CLOCK: variants seen among roughly 807,000 people sequenced by gnomAD.
CLOCK encodes clock circadian regulator.
CLOCK carries 43 observed loss-of-function variants against 118.4 expected under a neutral mutation model. The observed-to-expected ratio is 0.36, with a 90% CI of 0.28 to 0.47. The LOEUF is 0.47. Among genes scored for constraint, CLOCK ranks in the 20% least tolerant of loss-of-function variants. The pLI is 1.00. For missense variants in CLOCK, 846 were observed against 999.9 expected, an observed-to-expected ratio of 0.85 and a Z score of 2.08; for synonymous variants, 326 against 339.2, an observed-to-expected ratio of 0.96 and a Z score of 0.43.
At position 55,449,486 on chromosome 4, in the gene CLOCK, G is replaced by C; in HGVS notation, c.1359C>G (p.Thr453=). Reference sequence around the variant, plus strand: ...GAGTGCTCGTATCCGTCGGGATCTTGGTTGGTGTTGCTGAAGTCAACAAAA... The same window carrying C: ...GAGTGCTCGTATCCGTCGGGATCTTCGTTGGTGTTGCTGAAGTCAACAAAA... ...TAVSDPSSTP[T]KIPTDTSTPP... The change falls in exon 17 of 23, where the codon ACC becomes ACG. Residue 453 remains threonine (T), a synonymous_variant. Coordinates refer to ENST00000513440, the MANE Select transcript of CLOCK (RefSeq NM_004898.4). 2 of 1,613,960 alleles carry C rather than the reference G, an allele frequency of 1.2e-6. No individual in the cohort carries two copies. The highest frequency in any genetic ancestry group is 1.7e-4 in the Middle Eastern group (1 of 6,058).
intron 21 of CLOCK, chr4:55,442,175 AGT>A: frequency 2.2e-6 from 1 of 456,902 alleles, no homozygotes; most frequent in East Asian, 4.1e-5. Flanking sequence ...CTTTTCTAAC[AGT>A]GTGCTGCAGA....
chr4:55,523,138 T>TAA (rs11438793), intron 1 of CLOCK, among the ~76,000 whole-genome samples: 32 of 147,664 alleles, frequency 2.2e-4, no homozygotes, highest in East Asian at 2.0e-3. Flanking sequence ...TACTAAAAAT[T>TAA]AAAAAAAAAA....
At chr4:55,542,565 T>C (rs1731350059) in intron 1 of CLOCK, among the ~76,000 whole-genome samples, 1 of 151,858 alleles carries the variant, frequency 6.6e-6, no homozygotes, top group Non-Finnish European at 1.5e-5. Context: ...GGTAATTCTT[T>C]GTAACCTGGT....
chr4:55,498,416 T>A (rs1035019052), intron 2 of CLOCK, among the ~76,000 whole-genome samples: 1 of 152,136 alleles, frequency 6.6e-6, no homozygotes, highest in Admixed American at 6.6e-5. Context: ...AGAAAAAAAC[T>A]ACCATAAAGC....
intron 2 of CLOCK, among the ~76,000 whole-genome samples, chr4:55,494,282 T>C (rs138367167): frequency 0.012 from 1,775 of 152,230 alleles, 32 homozygotes; most frequent in African/African-American, 0.041. Context: ...AGCCCTGTGG[T>C]AGGCAGAATA....
intron 4 of CLOCK, among the ~76,000 whole-genome samples, chr4:55,480,244 G>A (rs17722979): frequency 0.25 from 37,483 of 152,062 alleles, 4,949 homozygotes; most frequent in South Asian, 0.37. Context: ...ACATTTAGCT[G>A]CTTTCCTACA....
intron 1 of CLOCK, among the ~76,000 whole-genome samples, chr4:55,533,540 T>C (rs1730689547): frequency 6.6e-6 from 1 of 152,234 alleles, no homozygotes; most frequent in Non-Finnish European, 1.5e-5. Flanking sequence ...TAGAATATTT[T>C]TCTGCCTAGA....
Position 55,450,119 on chromosome 4 carries a change from T to G in CLOCK, c.1320A>C (p.Ser440=). 1 of 1,614,150 alleles carries G rather than the reference T, an allele frequency of 6.2e-7. No homozygotes were observed. Among genetic ancestry groups the G allele is most frequent in the East Asian group, 2.2e-5 (1 of 44,862 alleles). The stretch of plus-strand genomic sequence containing the variant: ...AAGGGTCTGAGACGGCCGTGTGAGA[T>G]GATTTTCTTGAACTCCGAGAAGAGG... The part of the protein sequence containing the change: ...PSASSRSSRK[S]SHTAVSDPSS... The change falls in exon 16 of 23, where the codon TCA becomes TCC. Residue 440 remains serine, a synonymous_variant. Transcript: ENST00000513440.
intron 1 of CLOCK, chr4:55,540,406 GA>G (rs1207397782): frequency 7.0e-6 from 1 of 143,480 alleles, no homozygotes; most frequent in Non-Finnish European, 1.5e-5. Context: ...GAGGGGAGGG[GA>G]GGGGGGAATG....
intron 2 of CLOCK, among the ~76,000 whole-genome samples, chr4:55,509,456 C>T (rs1048491180): frequency 2.4e-4 from 36 of 152,068 alleles, no homozygotes; most frequent in African/African-American, 8.7e-4. Context: ...AAAGCAGGCA[C>T]CAGGCTGAAT....
At chr4:55,514,802 T>A (rs4865003) in intron 1 of CLOCK, among the ~76,000 whole-genome samples, 1 of 152,086 alleles carries the variant, frequency 6.6e-6, no homozygotes, top group South Asian at 2.1e-4. Flanking sequence ...TTGGGGATTT[T>A]TGCATTTATG....
Position 55,458,848 on chromosome 4 carries a change from A to G in CLOCK, c.792+44T>C, listed in dbSNP as rs370547523. ...CAGGAAGTTTCAGGCAGCTCTCAGC[A>G]TATGAACTGAAATCCCCTTTGGGAA... On this transcript the variant is annotated intron_variant, in intron 11 of 22. Coordinates refer to ENST00000513440, the MANE Select transcript of CLOCK (RefSeq NM_004898.4). 31 of 1,375,212 alleles carry G rather than the reference A, an allele frequency of 2.3e-5. No homozygotes were observed. The East Asian group carries it at 2.8e-4, about 12-fold the overall frequency. 85.2% of individuals were successfully genotyped at this position (1,375,212 alleles called of 1,614,324 possible). A position where few individuals can be genotyped will look rare whatever the true frequency, so the allele number is the denominator to read the frequency against.
intron 15 of CLOCK, among the ~76,000 whole-genome samples, chr4:55,451,010 A>G (rs1200739698): frequency 6.6e-6 from 1 of 151,686 alleles, no homozygotes; most frequent in Non-Finnish European, 1.5e-5. Context: ...TCTCATCAGT[A>G]TACAAACATG....
In CLOCK at chr4:55,435,249, T is replaced by C; in HGVS notation, c.*166A>G. ...CTGGCTGGTATTTAATGTACATCTG[T>C]AGCACTAGGCAGCATTTTCTCTGCC... On this transcript the variant is annotated 3_prime_UTR_variant, in exon 23 of 23. Transcript: ENST00000513440. 2.7e-6 allele frequency: 2 copies of C among 746,322 alleles called. No homozygotes were observed. The highest frequency in any genetic ancestry group is 3.4e-5 in the South Asian group (2 of 59,094). The allele number at this position is 746,322 out of a possible 1,614,324, so 46.2% of individuals were successfully genotyped here.
chr4:55,454,903 A>G (rs1011555000), intron 13 of CLOCK, among the ~76,000 whole-genome samples: 1 of 149,802 alleles, frequency 6.7e-6, no homozygotes, highest in African/African-American at 2.5e-5. Context: ...GAGGAAATCA[A>G]GGTCTACAAA....
intron 14 of CLOCK, chr4:55,453,469 A>G: frequency 2.0e-6 from 1 of 499,044 alleles, no homozygotes; most frequent in Non-Finnish European, 3.5e-6. Flanking sequence ...GTAAAGCACA[A>G]AATTTATATC....
At chr4:55,512,789 C>G (rs1729248923) in intron 1 of CLOCK, among the ~76,000 whole-genome samples, 1 of 152,068 alleles carries the variant, frequency 6.6e-6, no homozygotes, top group South Asian at 2.1e-4. Flanking sequence ...TAGACAGTTG[C>G]TCCGGTACCA....
chr4:55,516,365 T>G (rs971376601), intron 1 of CLOCK, among the ~76,000 whole-genome samples: 3 of 152,226 alleles, frequency 2.0e-5, no homozygotes, highest in African/African-American at 7.2e-5. Flanking sequence ...CCTCACATAC[T>G]TACATGCTCC....
intron 22 of CLOCK, 124 bp from the exon 23 acceptor site, chr4:55,435,718 T>G (rs1388400967): frequency 3.9e-5 from 37 of 951,686 alleles, no homozygotes; most frequent in Non-Finnish European, 5.8e-5. Flanking sequence ...TGCATATCAC[T>G]TTCACTCTCT....
Sources: allele counts gnomAD v4.1 joint callset (sites outside exome capture counted in the v4.1 genomes callset), GRCh38; gene constraint gnomAD v4.1.1; transcripts MANE v1.5; gene names NCBI Gene and HGNC (gene_info 2026-07-23, HGNC 2026-07-21).